The following SPATA6 variants were observed in gnomAD, a reference collection of about 807,000 sequenced individuals.
SPATA6 encodes the protein spermatogenesis associated 6.
SPATA6 carries 56 observed loss-of-function variants against 65.3 expected under a neutral mutation model. The ratio of observed to expected loss-of-function variants is 0.86; its 90% confidence interval spans 0.69 to 1.07. The LOEUF is 1.07. Among genes scored for constraint, SPATA6 ranks in the 50% least tolerant of loss-of-function variants. The probability of loss-of-function intolerance (pLI) is 0.00; values close to 1 mark genes in which losing one functional copy is unlikely to be tolerated. For missense variants in SPATA6, 590 were observed against 594.8 expected, an observed-to-expected ratio of 0.99 and a Z score of 0.08; for synonymous variants, 199 against 213.2, an observed-to-expected ratio of 0.93 and a Z score of 0.58.
At chr1:48,412,980 A>C (rs1652391789) in intron 4 of SPATA6, 130 bp downstream of exon 4, 1 of 265,390 alleles carries the variant, frequency 3.8e-6, no homozygotes, top group Non-Finnish European at 6.8e-6. Context: ...AAGTCAATTT[A>C]CTTTATCAGT....
At chr1:48,320,247 A>T (rs890377754) in intron 11 of SPATA6, among the ~76,000 whole-genome samples, 6 of 152,226 alleles carry the variant, frequency 3.9e-5, no homozygotes, top group African/African-American at 1.4e-4. Flanking sequence ...GATATTGGTA[A>T]TCAAGTACAA....
At chr1:48,403,628 C>T (rs1329889839) in intron 6 of SPATA6, among the ~76,000 whole-genome samples, 174 bp downstream of exon 6, 2 of 152,150 alleles carry the variant, frequency 1.3e-5, no homozygotes, top group Non-Finnish European at 2.9e-5. Context: ...TTCATTCTCA[C>T]ATTTACTAAC....
chr1:48,454,177 C>T (rs998404838), intron 1 of SPATA6, among the ~76,000 whole-genome samples: 1 of 151,810 alleles, frequency 6.6e-6, no homozygotes, highest in African/African-American at 2.4e-5. Flanking sequence ...TCTCCAGTAC[C>T]TACCATATTC....
intron 9 of SPATA6, among the ~76,000 whole-genome samples, chr1:48,380,821 T>C (rs1570383736): frequency 6.6e-6 from 1 of 152,276 alleles, no homozygotes; most frequent in Non-Finnish European, 1.5e-5. Flanking sequence ...ATTCCAGGCC[T>C]CCTCTCCTCT....
At chr1:48,401,608 G>A (rs559610998) in intron 6 of SPATA6, among the ~76,000 whole-genome samples, 1 of 152,226 alleles carries the variant, frequency 6.6e-6, no homozygotes, top group South Asian at 2.1e-4. Context: ...TCACATGAAT[G>A]AGCTGGAATT....
At chr1:48,323,934 T>C (rs116068930) in intron 11 of SPATA6, among the ~76,000 whole-genome samples, 1,858 of 152,234 alleles carry the variant, frequency 0.012, 45 homozygotes, top group African/African-American at 0.043. Context: ...ATTTTTGTTA[T>C]TTTATTTTAT....
intron 1 of SPATA6, among the ~76,000 whole-genome samples, chr1:48,460,764 T>C (rs1657371025): frequency 6.6e-6 from 1 of 152,030 alleles, no homozygotes; most frequent in South Asian, 2.1e-4. Flanking sequence ...TTGGCAGATA[T>C]TTAAAAAGAG....
At chr1:48,335,538 GA>G (rs1646036588) in intron 11 of SPATA6, among the ~76,000 whole-genome samples, 1 of 152,096 alleles carries the variant, frequency 6.6e-6, no homozygotes, top group Admixed American at 6.6e-5. Flanking sequence ...AAGCAATGGG[GA>G]AAGGACTCCC....
the SPATA6 span, among the ~76,000 whole-genome samples, chr1:48,280,213 G>A: frequency 6.6e-6 from 1 of 151,976 alleles, no homozygotes; most frequent in Non-Finnish European, 1.5e-5. Flanking sequence ...AGCACTAAAT[G>A]CCCACAAGAC....
At chr1:48,291,761 A>T (rs920207805), downstream of SPATA6, among the ~76,000 whole-genome samples, 3 of 152,130 alleles carry the variant, frequency 2.0e-5, no homozygotes, top group African/African-American at 7.2e-5. Context: ...GGGTCTGTGG[A>T]TTCTCTAGGC....
intron 2 of SPATA6, 62 bp downstream of exon 2, chr1:48,452,932 T>C: frequency 1.9e-6 from 3 of 1,556,452 alleles, no homozygotes; most frequent in Non-Finnish European, 2.6e-6. Context: ...AGGCTTTTAT[T>C]CAAAAATTGG....
intron 3 of SPATA6, among the ~76,000 whole-genome samples, chr1:48,424,546 T>C (rs1471069407): frequency 6.6e-6 from 1 of 152,156 alleles, no homozygotes; most frequent in African/African-American, 2.4e-5. Flanking sequence ...TATTTTTAGT[T>C]TTCTGAGGAA....
At chr1:48,453,178 T>C in intron 1 of SPATA6, 47 bp from the exon 2 acceptor site, 1 of 1,563,726 alleles carries the variant, frequency 6.4e-7, no homozygotes, top group Non-Finnish European at 8.6e-7. Flanking sequence ...ATAAATTCCC[T>C]GAACTATCCT....
At chr1:48,419,775 G>A (rs973653584) in intron 3 of SPATA6, among the ~76,000 whole-genome samples, 4 of 152,082 alleles carry the variant, frequency 2.6e-5, no homozygotes, top group African/African-American at 9.7e-5. Context: ...TAAACAAGGG[G>A]ACACCTGATA....
At chr1:48,331,672 C>T (rs1251272252) in intron 11 of SPATA6, among the ~76,000 whole-genome samples, 1 of 152,206 alleles carries the variant, frequency 6.6e-6, no homozygotes, top group African/African-American at 2.4e-5. Flanking sequence ...TCCATGAGAA[C>T]TTCCCCATTC....
At chr1:48,317,348 TA>T (rs1645462160) in intron 11 of SPATA6, among the ~76,000 whole-genome samples, 1 of 152,242 alleles carries the variant, frequency 6.6e-6, no homozygotes, top group South Asian at 2.1e-4. Flanking sequence ...TATGCAGCCA[TA>T]AAAAATGATG....
intron 9 of SPATA6, among the ~76,000 whole-genome samples, chr1:48,371,048 T>G (rs930980978): frequency 1.3e-5 from 2 of 152,206 alleles, no homozygotes; most frequent in African/African-American, 2.4e-5. Context: ...CACCCTCAAT[T>G]GTGGCCATAT....
intron 2 of SPATA6, 121 bp from the exon 3 acceptor site, chr1:48,451,721 A>G: frequency 1.2e-6 from 1 of 843,618 alleles, no homozygotes; most frequent in Non-Finnish European, 1.8e-6. Flanking sequence ...GAGAACTGTC[A>G]GTTCCTCTCT....
rs755024683 is a variant in SPATA6 at position 48,298,044 on chromosome 1, T to C, written c.*669A>G. The C allele has an allele frequency of 2.6e-5, 4 of 152,200 alleles. No homozygotes were observed. Among genetic ancestry groups the C allele is most frequent in the African/African-American group, 4.8e-5 (2 of 41,464 alleles). 9.4% of individuals were successfully genotyped at this position (152,200 alleles called of 1,614,324 possible). ...TGCAAAGAATTTTATCTTTAAAAAT[T>C]AGTTATTCAAATTTTTGATCATCCA... On this transcript the variant is annotated 3_prime_UTR_variant, in exon 13 of 13. Coordinates refer to ENST00000371847, the MANE Select transcript of SPATA6 (RefSeq NM_019073.4).
Sources: allele counts gnomAD v4.1 joint callset (sites outside exome capture counted in the v4.1 genomes callset), GRCh38; gene constraint gnomAD v4.1.1; transcripts MANE v1.5; gene names NCBI Gene and HGNC (gene_info 2026-07-23, HGNC 2026-07-21).